Variants in GPC6 observed in about 807,000 individuals in gnomAD.
GPC6 encodes glypican-6.
GPC6 carries 14 observed loss-of-function variants against 55.2 expected under a neutral mutation model. That is an observed-to-expected ratio of 0.25 (90% confidence interval 0.17 to 0.40). GPC6 has a LOEUF of 0.40. Ranked by LOEUF, GPC6 falls within the 10% of genes least tolerant of loss-of-function variation. GPC6 has a pLI of 1.00. For missense variants in GPC6, 641 were observed against 708.5 expected, an observed-to-expected ratio of 0.90 and a Z score of 1.08; for synonymous variants, 278 against 259.6, an observed-to-expected ratio of 1.07 and a Z score of -0.68.
At chr13:93,327,469 A>G (rs761966776) in intron 1 of GPC6, among the ~76,000 whole-genome samples, 82 of 152,168 alleles carry the variant, frequency 5.4e-4, no homozygotes, top group Non-Finnish European at 8.1e-4. Flanking sequence ...AACAGGAAAA[A>G]AATCAATTGC....
At chr13:93,513,876 C>CTCTT (rs1881076438) in intron 1 of GPC6, among the ~76,000 whole-genome samples, 1 of 110,246 alleles carries the variant, frequency 9.1e-6, no homozygotes. Context: ...TGAATGATGG[C>CTCTT]TTTTTTTTTT....
At chr13:94,352,088 C>T (rs771947513) in intron 6 of GPC6, among the ~76,000 whole-genome samples, 1 of 151,988 alleles carries the variant, frequency 6.6e-6, no homozygotes, top group Non-Finnish European at 1.5e-5. Flanking sequence ...TCTGTGTTAA[C>T]GAAGCTCCTG....
chr13:94,193,883 G>A (rs1397606796), intron 4 of GPC6, among the ~76,000 whole-genome samples: 3 of 152,164 alleles, frequency 2.0e-5, no homozygotes, highest in African/African-American at 7.2e-5. Flanking sequence ...AATTCTAGAT[G>A]TGGGCTTTCA....
chr13:94,088,088 G>A (rs1029763322), intron 4 of GPC6, among the ~76,000 whole-genome samples: 1 of 152,090 alleles, frequency 6.6e-6, no homozygotes, highest in Non-Finnish European at 1.5e-5. Context: ...TGCTGTACTA[G>A]GACAGGATCA....
intron 1 of GPC6, among the ~76,000 whole-genome samples, chr13:93,423,535 G>C (rs1486109006): frequency 6.6e-6 from 1 of 152,088 alleles, no homozygotes; most frequent in Non-Finnish European, 1.5e-5. Flanking sequence ...TGAATTTCAA[G>C]TAATTTATTG....
In GPC6 at chr13:94,115,332, G is replaced by A. The variant is rs189609070; in HGVS notation, c.877+87438G>A. Among the ~76,000 whole-genome samples the A allele has an allele frequency of 9.8e-4, 149 of 152,218 alleles. 1 individual carries two copies. The highest frequency in any genetic ancestry group is 3.6e-3 in the African/African-American group (148 of 41,562). Reference sequence around the variant, plus strand: ...CGCACTGGTAATGAGGTTTATGTCAGAGGCAAGGGGTTGGTGGGGGGGTGT... The same window carrying A: ...CGCACTGGTAATGAGGTTTATGTCAAAGGCAAGGGGTTGGTGGGGGGGTGT... On this transcript the variant is annotated intron_variant, in intron 4 of 8. Coordinates refer to ENST00000377047, the MANE Select transcript of GPC6 (RefSeq NM_005708.5).
At chr13:93,685,993 A>G (rs954025351) in intron 2 of GPC6, among the ~76,000 whole-genome samples, 5 of 152,232 alleles carry the variant, frequency 3.3e-5, no homozygotes, top group South Asian at 2.1e-4. Context: ...CTTCTCTGTT[A>G]TATCACACAA....
At chr13:93,361,790 A>T (rs956670648) in intron 1 of GPC6, among the ~76,000 whole-genome samples, 6 of 152,176 alleles carry the variant, frequency 3.9e-5, no homozygotes, top group African/African-American at 1.4e-4. Flanking sequence ...GCAGAAAAAA[A>T]CCTGGACCTT....
At chr13:93,538,523 C>G (rs1882154113) in intron 1 of GPC6, among the ~76,000 whole-genome samples, 1 of 152,096 alleles carries the variant, frequency 6.6e-6, no homozygotes, top group Admixed American at 6.6e-5. Flanking sequence ...ATGCCCCAGG[C>G]CATGAATAAA....
At chr13:94,264,640 G>T (rs1183665979) in intron 4 of GPC6, among the ~76,000 whole-genome samples, 1 of 152,214 alleles carries the variant, frequency 6.6e-6, no homozygotes, top group Non-Finnish European at 1.5e-5. Flanking sequence ...TATTGTGGAA[G>T]CTGAGAGGAA....
At chr13:93,425,847 A>G (rs1566350250) in intron 1 of GPC6, among the ~76,000 whole-genome samples, 2 of 152,180 alleles carry the variant, frequency 1.3e-5, no homozygotes, top group African/African-American at 4.8e-5. Context: ...TCGCAAATAC[A>G]GACAGCTCTG....
chr13:93,275,331 C>T (rs1353926598), intron 1 of GPC6, among the ~76,000 whole-genome samples: 1 of 152,076 alleles, frequency 6.6e-6, no homozygotes, highest in Admixed American at 6.5e-5. Flanking sequence ...ACAAAAAGAT[C>T]CTTTTGTTTT....
chr13:94,381,958 A>C (rs1880177498), intron 6 of GPC6, among the ~76,000 whole-genome samples: 1 of 152,240 alleles, frequency 6.6e-6, no homozygotes, highest in Non-Finnish European at 1.5e-5. Flanking sequence ...CAGCTGAATT[A>C]GTGGCAATAT....
chr13:93,271,118 C>T (rs1254765014), intron 1 of GPC6, among the ~76,000 whole-genome samples: 2 of 152,146 alleles, frequency 1.3e-5, no homozygotes, highest in Non-Finnish European at 2.9e-5. Context: ...ATAATCATTC[C>T]TCCTTCCCTA....
intron 2 of GPC6, among the ~76,000 whole-genome samples, chr13:93,737,392 AAGAT>A (rs1241811508): frequency 6.6e-6 from 1 of 152,182 alleles, no homozygotes; most frequent in African/African-American, 2.4e-5. Context: ...AAGTACATTA[AAGAT>A]AGATAGCCCC....
At chr13:93,237,354 C>G (rs1175957798) in intron 1 of GPC6, among the ~76,000 whole-genome samples, 1 of 151,884 alleles carries the variant, frequency 6.6e-6, no homozygotes, top group African/African-American at 2.4e-5. Flanking sequence ...CATTTTTGCC[C>G]ATTTGTGTGT....
chr13:93,541,186 C>T (rs1161093133), intron 1 of GPC6, among the ~76,000 whole-genome samples: 1 of 123,818 alleles, frequency 8.1e-6, no homozygotes, highest in Non-Finnish European at 1.6e-5. Flanking sequence ...TCCCCCCACC[C>T]CACAACAGTC....
intron 2 of GPC6, among the ~76,000 whole-genome samples, chr13:93,710,357 C>A (rs1031852022): frequency 6.6e-6 from 1 of 151,784 alleles, no homozygotes; most frequent in Non-Finnish European, 1.5e-5. Flanking sequence ...CCAAGGGTAT[C>A]TTGGTACAGA....
chr13:93,773,825 G>C (rs1437522545), intron 2 of GPC6, among the ~76,000 whole-genome samples: 3 of 152,176 alleles, frequency 2.0e-5, no homozygotes, highest in Non-Finnish European at 4.4e-5. Context: ...ACTGGCATCA[G>C]ATTCATCAAA....
Sources: gnomAD v4.1 joint callset for allele counts (sites outside exome capture counted in the v4.1 genomes callset) on GRCh38, gnomAD v4.1.1 for gene constraint, MANE v1.5 for transcripts, NCBI Gene and HGNC (gene_info 2026-07-23, HGNC 2026-07-21) for gene names.